KAZN: variants seen among roughly 807,000 people sequenced by gnomAD.
KAZN encodes kazrin.
Under a neutral mutation model 87.4 loss-of-function variants are expected in KAZN, and 40 were observed. The ratio of observed to expected loss-of-function variants is 0.46; its 90% CI spans 0.36 to 0.60. KAZN has a LOEUF of 0.60. KAZN is among the 20% of genes least tolerant of loss of function. The pLI is 0.00. For synonymous variants in KAZN, 466 were observed against 458.3 expected (o/e 1.02, Z -0.22); for missense variants, 898 against 1,073.9 (o/e 0.84, Z 2.29).
intron 4 of KAZN, among the ~76,000 whole-genome samples, chr1:15,048,701 CCTTGGTCGTT>C (rs1673907353): frequency 1.4e-5 from 2 of 143,706 alleles, no homozygotes; most frequent in African/African-American, 2.8e-5. Flanking sequence ...GGTCGTTGAT[CCTTGGTCGTT>C]GGTCCTGGGT....
rs544917749 is a variant in KAZN, at chr1:15,066,067, T to C, written c.1222+314T>C. ...CTCTGTCGTCTTTGGAGCGATACAG[T>C]TGTGTTGTTAATCTGGTTTATTATT... On this transcript the variant is annotated intron_variant, in intron 8 of 14. Coordinates refer to ENST00000376030, the MANE Select transcript of KAZN (RefSeq NM_201628.3). The surrounding 1 kb of genome is among the most constrained non-coding windows in gnomAD (Gnocchi z 4.3). 1 of 1,190,300 alleles carries C rather than the reference T, an allele frequency of 8.4e-7. No homozygotes were observed. The highest frequency in any genetic ancestry group is 1.6e-5 in the African/African-American group (1 of 63,708). The allele number at this position is 1,190,300 out of a possible 1,614,324, so 73.7% of individuals were successfully genotyped here.
chr1:14,906,191 TAATAATAATAATAATAATA>T (rs1656562263), intron 1 of KAZN, among the ~76,000 whole-genome samples: 77 of 47,462 alleles, frequency 1.6e-3, no homozygotes, highest in African/African-American at 3.2e-3. Flanking sequence ...ATAATAATAA[TAATAATAATAATAATAATA>T]ATAATAATAC....
intron 1 of KAZN, among the ~76,000 whole-genome samples, chr1:14,698,033 G>T (rs1162686211): frequency 6.6e-6 from 1 of 152,202 alleles, no homozygotes; most frequent in African/African-American, 2.4e-5. Flanking sequence ...GATTGGCCAA[G>T]CCTTGGCCAG....
At chr1:14,191,048 C>T (rs1646410433) in intron 2 of KAZN, among the ~76,000 whole-genome samples, 1 of 152,184 alleles carries the variant, frequency 6.6e-6, no homozygotes. Flanking sequence ...TTTAGCCAGT[C>T]TCTGCAGCAT....
rs906232943 is a variant in KAZN, at chr1:14,090,064, C to T, written c.92-90371C>T. ...AAGATTTTGTCTTTATTATCATTGCCTTTCTGTAATGTGATTATTTTGTGA... is the reference window on the plus strand; with the variant it reads ...AAGATTTTGTCTTTATTATCATTGCTTTTCTGTAATGTGATTATTTTGTGA... On this transcript the variant is annotated intron_variant, in intron 1 of 16. Coordinates refer to the KAZN transcript ENST00000636203. Among the ~76,000 whole-genome samples, 56 of 151,042 alleles carry T rather than the reference C, an allele frequency of 3.7e-4. 3 individuals carry two copies. The highest frequency in any genetic ancestry group is 4.4e-5 in the Non-Finnish European group (3 of 67,812).
chr1:14,693,892 G>T (rs936228437), intron 1 of KAZN, among the ~76,000 whole-genome samples: 1 of 152,104 alleles, frequency 6.6e-6, no homozygotes, highest in African/African-American at 2.4e-5. Context: ...CATACAGAGG[G>T]GTCCTGAGAG....
chr1:14,530,566 G>C (rs1490547833), intron 2 of KAZN, among the ~76,000 whole-genome samples: 3 of 152,064 alleles, frequency 2.0e-5, no homozygotes, highest in African/African-American at 7.2e-5. Context: ...TAATGAGTGA[G>C]TTGTCACTCT....
intron 2 of KAZN, chr1:14,391,462 G>T (rs867864867): frequency 6.6e-6 from 1 of 152,396 alleles, no homozygotes; most frequent in Admixed American, 6.5e-5. Flanking sequence ...AACTTACTCC[G>T]GGGAAACCAA....
chr1:14,858,010 A>G (rs575039560), intron 1 of KAZN, among the ~76,000 whole-genome samples: 10 of 152,156 alleles, frequency 6.6e-5, no homozygotes, highest in African/African-American at 1.9e-4. Context: ...TTCCATCTCT[A>G]TAGATTTGCC....
chr1:13,980,703 C>G (rs957948463), intron 1 of KAZN, among the ~76,000 whole-genome samples: 2 of 152,052 alleles, frequency 1.3e-5, no homozygotes, highest in Non-Finnish European at 2.9e-5. Flanking sequence ...TCTCTGTAAT[C>G]GATACACCAA....
intron 1 of KAZN, among the ~76,000 whole-genome samples, chr1:13,923,874 A>G (rs1640167438): frequency 1.3e-5 from 2 of 152,152 alleles, no homozygotes; most frequent in African/African-American, 4.8e-5. Context: ...TGTCCAGTTG[A>G]TGTATAGTTA....
intron 1 of KAZN, among the ~76,000 whole-genome samples, chr1:13,898,079 C>G (rs933685794): frequency 6.6e-6 from 1 of 152,304 alleles, no homozygotes; most frequent in Middle Eastern, 3.4e-3. Flanking sequence ...CACTCCCAGG[C>G]AGGGTATCTG....
At position 14,009,661 on chromosome 1, in the gene KAZN, C is replaced by T. The variant is rs1017287799; in HGVS notation, c.91+115905C>T. 3.3e-5 allele frequency among the ~76,000 whole-genome samples: 5 copies of T among 152,304 alleles called. No individual in the cohort carries two copies. In the South Asian group the frequency reaches 6.2e-4, roughly 19 times the overall value. On this transcript the variant is annotated intron_variant, in intron 1 of 16. Transcript: ENST00000636203. ...GTCAGTGGTCAGGTCAGGAGCCTAA[C>T]GTGGGCAGTCTGTTCCTGACCACTC...
At chr1:14,280,608 T>A (rs1253033056) in intron 2 of KAZN, among the ~76,000 whole-genome samples, 1 of 151,970 alleles carries the variant, frequency 6.6e-6, no homozygotes, top group Non-Finnish European at 1.5e-5. Context: ...TCTCATAGCC[T>A]CAGGATGGAA....
At chr1:14,664,860 T>A (rs1030245995) in intron 1 of KAZN, among the ~76,000 whole-genome samples, 40 of 152,098 alleles carry the variant, frequency 2.6e-4, no homozygotes, top group African/African-American at 9.2e-4. Context: ...TTTCACCATG[T>A]TAGCCAGGAT....
chr1:14,367,144 G>C (rs1210107214), intron 2 of KAZN, among the ~76,000 whole-genome samples: 2 of 152,156 alleles, frequency 1.3e-5, no homozygotes, highest in East Asian at 1.9e-4. Flanking sequence ...CAGGAGAACT[G>C]CTTGAACACA....
chr1:14,934,886 A>G (rs1660270253), intron 1 of KAZN, among the ~76,000 whole-genome samples: 1 of 152,198 alleles, frequency 6.6e-6, no homozygotes, highest in South Asian at 2.1e-4. Flanking sequence ...CCACCTTCAC[A>G]CCATGAGCGT....
At chr1:14,733,251 G>A (rs139040594) in intron 1 of KAZN, among the ~76,000 whole-genome samples, 199 of 152,232 alleles carry the variant, frequency 1.3e-3, no homozygotes, top group African/African-American at 4.5e-3. Flanking sequence ...CCGGCAGCCT[G>A]TGCTTGGAGT....
intron 2 of KAZN, among the ~76,000 whole-genome samples, chr1:14,189,914 T>C (rs577082435): frequency 6.6e-6 from 1 of 152,320 alleles, no homozygotes; most frequent in Admixed American, 6.5e-5. Context: ...GCAAGTTTTA[T>C]GGACCTTCTG....
Sources: gnomAD v4.1 joint callset for allele counts (sites outside exome capture counted in the v4.1 genomes callset) on GRCh38, gnomAD v4.1.1 for gene constraint, Gnocchi (gnomAD v3.1) non-coding constraint, MANE v1.5 for transcripts, NCBI Gene and HGNC (gene_info 2026-07-23, HGNC 2026-07-21) for gene names.